BRD7: variants seen among roughly 807,000 people sequenced by gnomAD.
BRD7 encodes the protein bromodomain containing 7.
Under a neutral mutation model 82.1 loss-of-function variants are expected in BRD7, and 15 were observed. The observed-to-expected ratio is 0.18, with a 90% CI of 0.12 to 0.28. The LOEUF is 0.28. Ranked by LOEUF, BRD7 falls within the 10% of genes least tolerant of loss-of-function variation. The pLI, the probability that BRD7 is intolerant of heterozygous loss-of-function variation, is 1.00. For synonymous variants in BRD7, 232 were observed against 266.9 expected, an observed-to-expected ratio of 0.87 and a Z score of 1.27; for missense variants, 638 against 779.9, an observed-to-expected ratio of 0.82 and a Z score of 2.17.
intron 2 of BRD7, among the ~76,000 whole-genome samples, chr16:50,363,641 T>TTGTGTGTGTGTGTG (rs374792308): frequency 6.0e-5 from 9 of 149,068 alleles, no homozygotes; most frequent in Non-Finnish European, 8.9e-5. Flanking sequence ...CGTTGTGTGT[T>TTGTGTGTGTGTGTG]TGTGTGTGTG....
At chr16:50,365,411 ACT>A (rs1207519491) in intron 2 of BRD7, among the ~76,000 whole-genome samples, 2 of 152,176 alleles carry the variant, frequency 1.3e-5, no homozygotes, top group African/African-American at 4.8e-5. Context: ...CAACTGACAA[ACT>A]CTGTCTAGGT....
Position 50,368,191 on chromosome 16 carries a change from T to C in BRD7, c.157A>G (p.Asn53Asp). The change falls in exon 2 of 17, where the codon AAC (asparagine) becomes GAC (aspartate). Residue 53 changes from asparagine (N) to aspartate (D), a missense_variant. Coordinates refer to ENST00000394688, the MANE Select transcript of BRD7 (RefSeq NM_013263.5). ...GHDSSLFEDK[N>D]DHDKHKDRKR... ...CTGTCCTTGTGTTTGTCATGATCGT[T>C]TTTGTCTTCGAAGAGGCTGGAGTCG... 1.2e-6 allele frequency: 2 copies of C among 1,614,238 alleles called. No homozygotes were observed. Among genetic ancestry groups the C allele is most frequent in the Non-Finnish European group, 1.7e-6 (2 of 1,180,042 alleles).
intron 4 of BRD7, among the ~76,000 whole-genome samples, chr16:50,351,155 C>T (rs1183732279): frequency 6.6e-6 from 1 of 152,102 alleles, no homozygotes; most frequent in Non-Finnish European, 1.5e-5. Flanking sequence ...TTGCTAGTCC[C>T]AGTGGTAGGC....
intron 9 of BRD7, among the ~76,000 whole-genome samples, chr16:50,328,462 G>A (rs1323219792): frequency 6.6e-6 from 1 of 152,174 alleles, no homozygotes; most frequent in Non-Finnish European, 1.5e-5. Flanking sequence ...TGAATTTTAA[G>A]GAAAACTTGA....
chr16:50,319,838 C>CTA lies in BRD7; in HGVS notation c.1900+47_1900+48dup, dbSNP rs1458531780. The CTA allele has an allele frequency of 5.0e-6, 8 of 1,589,402 alleles. No homozygotes were observed. In the Admixed American group the frequency reaches 1.4e-4, roughly 28 times the overall value. On this transcript the variant is annotated intron_variant, in intron 16 of 16. Transcript: ENST00000394688. ...ATCTCGGGCAGACACTGAGGGATGACTATAGTCACCATAGCTTTCTGCTTT... is the reference window on the plus strand; with the variant it reads ...ATCTCGGGCAGACACTGAGGGATGACTATATAGTCACCATAGCTTTCTGCTTT...
At chr16:50,368,458 G>T in intron 1 of BRD7, 160 bp from the exon 2 acceptor site, 1 of 875,146 alleles carries the variant, frequency 1.1e-6, no homozygotes, top group Non-Finnish European at 1.7e-6. Flanking sequence ...CCGGGGGTGC[G>T]GCGGCGCCGC....
intron 5 of BRD7, among the ~76,000 whole-genome samples, chr16:50,345,588 T>C (rs1224171173): frequency 2.6e-5 from 4 of 151,754 alleles, no homozygotes; most frequent in Non-Finnish European, 4.4e-5. Flanking sequence ...ACCAAGCAAA[T>C]GGAAAACAGA....
chr16:50,356,093 T>C (rs1280295843), intron 2 of BRD7, among the ~76,000 whole-genome samples: 3 of 152,226 alleles, frequency 2.0e-5, no homozygotes, highest in African/African-American at 4.8e-5. Flanking sequence ...TGGGTAATTA[T>C]AGATTTAAAA....
rs2039145065 is a variant in BRD7, at chr16:50,366,392, T to G, written c.258+1698A>C. ...TAAGATAAATGTCTCCAGAGGAAAA[T>G]AAAAAAGGAAGTAAAGAACTCAAAT... is the stretch of plus-strand genomic sequence containing the variant. On this transcript the variant is annotated intron_variant, in intron 2 of 16. Transcript: ENST00000394688. 2.0e-5 allele frequency among the ~76,000 whole-genome samples: 3 copies of G among 151,936 alleles called. No individual in the cohort carries two copies. In the South Asian group the frequency reaches 6.2e-4, roughly 32 times the overall value.
chr16:50,323,271 A>T (rs2037194338), intron 12 of BRD7, among the ~76,000 whole-genome samples: 1 of 152,244 alleles, frequency 6.6e-6, no homozygotes, highest in African/African-American at 2.4e-5. Flanking sequence ...ACTTAGTTTC[A>T]GGCCAGTGAG....
intron 2 of BRD7, among the ~76,000 whole-genome samples, chr16:50,366,956 A>T (rs752140197): frequency 1.3e-4 from 20 of 152,236 alleles, no homozygotes; most frequent in Non-Finnish European, 2.8e-4. Context: ...TAATTTAAGG[A>T]AGAAAACAAA....
At chr16:50,323,484 G>A (rs2037205221) in intron 12 of BRD7, 103 bp downstream of exon 12, 3 of 988,524 alleles carry the variant, frequency 3.0e-6, no homozygotes, top group Non-Finnish European at 4.6e-6. Context: ...GGGCCACAGA[G>A]TTCAGCTGTC....
At chr16:50,329,978 G>A (rs1331440060) in intron 8 of BRD7, among the ~76,000 whole-genome samples, 2 of 152,008 alleles carry the variant, frequency 1.3e-5, no homozygotes, top group African/African-American at 4.8e-5. Flanking sequence ...TGCCACCCTC[G>A]ATACCATATT....
intron 9 of BRD7, 41 bp downstream of exon 9, chr16:50,328,628 A>G: frequency 1.3e-6 from 2 of 1,566,412 alleles, no homozygotes; most frequent in Non-Finnish European, 1.7e-6. Context: ...GTTCTCTGCC[A>G]AATAGCATCA....
intron 1 of BRD7, 111 bp downstream of exon 1, chr16:50,368,615 G>A: frequency 4.2e-6 from 5 of 1,193,598 alleles, no homozygotes; most frequent in South Asian, 1.6e-5. Context: ...CGCCGGCCTG[G>A]GCCTGCCGTG....
intron 2 of BRD7, among the ~76,000 whole-genome samples, chr16:50,360,763 A>G (rs566824807): frequency 7.9e-5 from 12 of 152,252 alleles, no homozygotes; most frequent in Non-Finnish European, 1.5e-4. Context: ...TTTGTTGAAT[A>G]AAGAAACAGA....
At chr16:50,346,537 A>C (rs1434890929) in intron 5 of BRD7, among the ~76,000 whole-genome samples, 2 of 152,124 alleles carry the variant, frequency 1.3e-5, no homozygotes, top group Non-Finnish European at 2.9e-5. Flanking sequence ...GACTAAGAAG[A>C]AAACAGAGAA....
At chr16:50,360,075 A>T (rs926666977) in intron 2 of BRD7, among the ~76,000 whole-genome samples, 1 of 152,218 alleles carries the variant, frequency 6.6e-6, no homozygotes, top group Non-Finnish European at 1.5e-5. Flanking sequence ...TGCTCAGATT[A>T]TTAGGATTTA....
At chr16:50,322,694 G>C (rs2037170653) in intron 12 of BRD7, among the ~76,000 whole-genome samples, 1 of 152,262 alleles carries the variant, frequency 6.6e-6, no homozygotes, top group South Asian at 2.1e-4. Context: ...TTGACATTTT[G>C]AAACACATTG....
Sources: gnomAD v4.1 joint callset for allele counts (sites outside exome capture counted in the v4.1 genomes callset) on GRCh38, gnomAD v4.1.1 for gene constraint, MANE v1.5 for transcripts, NCBI Gene and HGNC (gene_info 2026-07-23, HGNC 2026-07-21) for gene names.